The following NTNG1 variants were observed in gnomAD, a reference collection of about 807,000 sequenced individuals.
The protein encoded by NTNG1 is netrin-G1.
NTNG1 carries 16 observed loss-of-function variants against 54.0 expected under a neutral mutation model. The observed-to-expected ratio is 0.30, with a 90% CI of 0.20 to 0.45. NTNG1 has a LOEUF of 0.45. NTNG1 is among the 20% of genes least tolerant of loss of function. NTNG1 has a pLI of 1.00. For synonymous variants in NTNG1, 255 were observed against 263.1 expected, an observed-to-expected ratio of 0.97 and a Z score of 0.30; for missense variants, 530 against 678.7, an observed-to-expected ratio of 0.78 and a Z score of 2.43.
At chr1:107,388,121 G>A (rs1365816771) in intron 3 of NTNG1, among the ~76,000 whole-genome samples, 1 of 152,086 alleles carries the variant, frequency 6.6e-6, no homozygotes, top group Admixed American at 6.5e-5. Context: ...GAATCCCTAT[G>A]CGACCTCTCA....
At chr1:107,445,439 G>T (rs1294075028) in intron 7 of NTNG1, among the ~76,000 whole-genome samples, 3 of 152,100 alleles carry the variant, frequency 2.0e-5, no homozygotes, top group Non-Finnish European at 1.5e-5. Flanking sequence ...ATAATAAAAA[G>T]TGTTACTTAC....
intron 2 of NTNG1, among the ~76,000 whole-genome samples, chr1:107,299,859 C>T (rs1034395761): frequency 6.6e-6 from 1 of 151,118 alleles, no homozygotes. Flanking sequence ...TACACACATA[C>T]ACACACACAC....
In NTNG1 at chr1:107,484,452, A is replaced by G. The variant is rs1321526774; in HGVS notation, c.*3612A>G. ...TTAGCTTTATGTATGACTTTTAAAT[A>G]CTTAGACATGTGGCATGGGGTCCTC... On this transcript the variant is annotated 3_prime_UTR_variant, in exon 8 of 8. Transcript: ENST00000370068. Among the ~76,000 whole-genome samples the G allele has an allele frequency of 6.6e-6, 1 of 152,212 alleles. No individual in the cohort carries two copies. Among genetic ancestry groups the G allele is most frequent in the African/African-American group, 2.4e-5 (1 of 41,454 alleles).
chr1:107,394,682 T>C (rs1177484709), intron 3 of NTNG1, among the ~76,000 whole-genome samples: 1 of 152,198 alleles, frequency 6.6e-6, no homozygotes, highest in Non-Finnish European at 1.5e-5. Context: ...GAATAGCAAA[T>C]TATTTTAATG....
intron 2 of NTNG1, among the ~76,000 whole-genome samples, chr1:107,285,520 T>A (rs1665137835): frequency 6.6e-6 from 1 of 152,114 alleles, no homozygotes; most frequent in South Asian, 2.1e-4. Context: ...ACAACAGAAG[T>A]GAGTGCTGAA....
At chr1:107,194,023 C>T (rs1570812356) in intron 2 of NTNG1, among the ~76,000 whole-genome samples, 1 of 151,962 alleles carries the variant, frequency 6.6e-6, no homozygotes, top group East Asian at 1.9e-4. Context: ...CTAATGATTT[C>T]CTTCTCATCA....
chr1:107,299,251 C>T (rs1181949518), intron 2 of NTNG1, among the ~76,000 whole-genome samples: 1 of 152,046 alleles, frequency 6.6e-6, no homozygotes, highest in Non-Finnish European at 1.5e-5. Context: ...ATATATGTTT[C>T]TTTTAATATA....
chr1:107,205,938 T>G (rs1381496360), intron 2 of NTNG1, among the ~76,000 whole-genome samples: 1 of 152,170 alleles, frequency 6.6e-6, no homozygotes, highest in Non-Finnish European at 1.5e-5. Context: ...ACTTGTTGGG[T>G]TTAATGTTAG....
chr1:107,420,612 A>G (rs745342381), intron 5 of NTNG1, among the ~76,000 whole-genome samples: 2 of 152,018 alleles, frequency 1.3e-5, no homozygotes, highest in Non-Finnish European at 2.9e-5. Context: ...ATGCTGCTGA[A>G]TGGCTGACTA....
At chr1:107,155,393 C>T (rs1260501656) in intron 2 of NTNG1, among the ~76,000 whole-genome samples, 1 of 152,052 alleles carries the variant, frequency 6.6e-6, no homozygotes, top group African/African-American at 2.4e-5. Flanking sequence ...ATATCATTCT[C>T]TTGACTTTTT....
intron 7 of NTNG1, among the ~76,000 whole-genome samples, chr1:107,472,170 A>G (rs911246818): frequency 6.6e-6 from 1 of 152,146 alleles, no homozygotes; most frequent in Admixed American, 6.5e-5. Flanking sequence ...CGTATGAGGG[A>G]AAAAACTATC....
At chr1:107,232,648 T>C (rs1661149404) in intron 2 of NTNG1, among the ~76,000 whole-genome samples, 1 of 152,218 alleles carries the variant, frequency 6.6e-6, no homozygotes, top group Non-Finnish European at 1.5e-5. Flanking sequence ...TATATTTGTA[T>C]AGTTAAGAGA....
intron 3 of NTNG1, among the ~76,000 whole-genome samples, chr1:107,384,549 T>G (rs577880614): frequency 6.6e-6 from 1 of 152,342 alleles, no homozygotes; most frequent in South Asian, 2.1e-4. Flanking sequence ...TCTATTTCTC[T>G]GTTTATTTGT....
chr1:107,324,562 A>G lies in NTNG1; in HGVS notation c.527A>G (p.Gln176Arg). The G allele has an allele frequency of 6.2e-7, 1 of 1,613,812 alleles. No individual in the cohort carries two copies. Among genetic ancestry groups the G allele is most frequent in the Non-Finnish European group, 8.5e-7 (1 of 1,179,880 alleles). Residue 176 changes from glutamine (Q) to arginine (R), a missense_variant, in exon 3 of 8, where the codon CAG (glutamine) becomes CGG (arginine). By Grantham distance (43) the Gln-to-Arg change is conservative. This residue lies in a region of NTNG1 where 318 missense variants were observed against 465.1 expected (regional missense o/e 0.68). Coordinates refer to ENST00000370068, the MANE Select transcript of NTNG1 (RefSeq NM_001113226.3). ...TATGGACGAACATGGCAGCCCTATC[A>G]GTATTATGCCACAGACTGCTTAGAT... Reference protein sequence around the residue: ...LDYGRTWQPYQYYATDCLDAF... With the variant: ...LDYGRTWQPYRYYATDCLDAF...
In NTNG1 at chr1:107,148,759, G is replaced by A. The variant is rs756605204; in HGVS notation, c.166G>A (p.Asp56Asn). 1 of 1,613,742 alleles carries A rather than the reference G, an allele frequency of 6.2e-7. No homozygotes were observed. Among genetic ancestry groups the A allele is most frequent in the South Asian group, 1.1e-5 (1 of 91,084 alleles). The change falls in exon 2 of 8, where the codon GAC (aspartate) becomes AAC (asparagine). Residue 56 changes from aspartate to asparagine, a missense_variant. Coordinates refer to ENST00000370068, the MANE Select transcript of NTNG1 (RefSeq NM_001113226.3). ...CATGGCCTGCCAGCCGGAATCCACG[G>A]ACATGACAAAATATCTGAAAGTGAA... Reference protein sequence around the residue: ...DYMACQPESTDMTKYLKVKLD... With the variant: ...DYMACQPESTNMTKYLKVKLD...
rs150547099 is a variant in NTNG1 at position 107,295,723 on chromosome 1, T to C, written c.247-28559T>C. On this transcript the variant is annotated intron_variant, in intron 2 of 7. Transcript: ENST00000370068. ...TATTGTTATGAATGCATAGAAAGTA[T>C]ATATATATATACACATACATATATA... 4.5e-4 allele frequency among the ~76,000 whole-genome samples: 68 copies of C among 151,696 alleles called. No individual in the cohort carries two copies. The East Asian group carries it at 0.013, about 28-fold the overall frequency.
In NTNG1 at chr1:107,182,931, A is replaced by C. The variant is rs188206987; in HGVS notation, c.246+34092A>C. The stretch of plus-strand genomic sequence containing the variant: ...GTGTCATGGATCAATCACAACATCC[A>C]AAAATGAAGGAGAATTCCAGTGATA... On this transcript the variant is annotated intron_variant, in intron 2 of 7. Transcript: ENST00000370068. Among the ~76,000 whole-genome samples the C allele has an allele frequency of 2.0e-5, 3 of 152,322 alleles. No homozygotes were observed. The East Asian group carries it at 5.8e-4, about 29-fold the overall frequency.
At chr1:107,294,396 G>A (rs1393960315) in intron 2 of NTNG1, among the ~76,000 whole-genome samples, 1 of 152,134 alleles carries the variant, frequency 6.6e-6, no homozygotes, top group Non-Finnish European at 1.5e-5. Flanking sequence ...CGCTTTGTGT[G>A]CCTGCAGGCT....
chr1:107,238,729 T>A (rs943402555), intron 2 of NTNG1, among the ~76,000 whole-genome samples: 2 of 152,130 alleles, frequency 1.3e-5, no homozygotes, highest in Non-Finnish European at 2.9e-5. Flanking sequence ...GACTTGCTCC[T>A]ACTTGCCTTT....
Sources: gnomAD v4.1 joint callset for allele counts (sites outside exome capture counted in the v4.1 genomes callset) on GRCh38, gnomAD v4.1.1 for gene constraint, gnomAD v4.1.1 regional missense constraint, MANE v1.5 for transcripts, NCBI Gene and HGNC (gene_info 2026-07-23, HGNC 2026-07-21) for gene names.